PRKDC: variants seen among roughly 807,000 people sequenced by gnomAD.
The protein encoded by PRKDC is protein kinase, DNA-activated, catalytic subunit, also known as DNA-dependent protein kinase catalytic subunit.
A neutral mutation model predicts 486.9 loss-of-function variants in PRKDC; 82 were observed. The observed-to-expected ratio is 0.17, with a 90% CI of 0.14 to 0.20. PRKDC has a LOEUF of 0.20. PRKDC is among the 10% of genes least tolerant of loss of function. The pLI, the probability that PRKDC is intolerant of heterozygous loss-of-function variation, is 1.00. For synonymous variants in PRKDC, 1,895 were observed against 1,837.0 expected, an observed-to-expected ratio of 1.03 and a Z score of -0.81; for missense variants, 4,504 against 5,038.2, an observed-to-expected ratio of 0.89 and a Z score of 3.21.
intron 50 of PRKDC, among the ~76,000 whole-genome samples, chr8:47,854,449 C>T (rs1197795450): frequency 6.6e-6 from 1 of 152,142 alleles, no homozygotes; most frequent in Non-Finnish European, 1.5e-5. Flanking sequence ...CGCCATTCTC[C>T]TGCCTCAGCC....
At position 47,945,746 on chromosome 8, in the gene PRKDC, G is replaced by A. The variant is rs528415017; in HGVS notation, c.722-1717C>T. 1.4e-4 allele frequency among the ~76,000 whole-genome samples: 22 copies of A among 151,934 alleles called. No homozygotes were observed. In the East Asian group the frequency reaches 3.5e-3, roughly 24 times the overall value. The stretch of plus-strand genomic sequence containing the variant: ...AATTCTATCCTTTTTTTTTGACACC[G>A]AGTTTCACTCTATCACCCAGGCTGG... On this transcript the variant is annotated intron_variant, in intron 7 of 85. Coordinates refer to ENST00000314191, the MANE Select transcript of PRKDC (RefSeq NM_006904.7).
At chr8:47,873,040 G>C (rs555834635) in intron 40 of PRKDC, among the ~76,000 whole-genome samples, 2 of 152,144 alleles carry the variant, frequency 1.3e-5, no homozygotes, top group African/African-American at 4.8e-5. Context: ...CATATGTTAG[G>C]CCACAAAACA....
At chr8:47,950,101 A>G (rs2090603135) in intron 7 of PRKDC, among the ~76,000 whole-genome samples, 1 of 151,464 alleles carries the variant, frequency 6.6e-6, no homozygotes, top group Non-Finnish European at 1.5e-5. Flanking sequence ...GTGAAACCCC[A>G]TCTTTACTAA....
rs771356897 is a variant in PRKDC at position 47,800,853 on chromosome 8, C to T, written c.10056G>A (p.Glu3352=). The change falls in exon 71 of 86, where the codon GAG becomes GAA. Residue 3352 remains glutamate, a synonymous_variant. Transcript: ENST00000314191. ...SSEPACLAEI[E]EDKARRILEL... The stretch of plus-strand genomic sequence containing the variant: ...CTAAGATTCTTCTAGCCTTGTCCTC[C>T]TCGATTTCAGCAAGGCAGGCTGGCT... The T allele has an allele frequency of 2.1e-5, 34 of 1,613,360 alleles. No individual in the cohort carries two copies. In the South Asian group the frequency reaches 3.4e-4, roughly 16 times the overall value.
At chr8:47,825,739 A>T (rs2087724842) in intron 63 of PRKDC, among the ~76,000 whole-genome samples, 1 of 152,206 alleles carries the variant, frequency 6.6e-6, no homozygotes, top group Admixed American at 6.5e-5. Context: ...TCACTTACAC[A>T]TCTGAAGCAA....
Position 47,912,454 on chromosome 8 carries a change from G to T in PRKDC, c.2890C>A (p.Arg964=). 1 of 1,609,724 alleles carries T rather than the reference G, an allele frequency of 6.2e-7. No individual in the cohort carries two copies. Among genetic ancestry groups the T allele is most frequent in the Middle Eastern group, 1.7e-4 (1 of 6,038 alleles). ...GAPPMYQLYK[R]TFPVLLRLAC... ...AGTCGAAGCAGCACAGGAAACGTCC[G>T]CTTATAGAGCTGGTACATGGGTGGG... The change falls in exon 25 of 86, where the codon CGG becomes AGG. Residue 964 remains arginine (R), a synonymous_variant. Transcript: ENST00000314191.
intron 85 of PRKDC, 105 bp from the exon 86 acceptor site, chr8:47,774,482 CAG>C (rs1365280657): frequency 1.8e-6 from 2 of 1,082,238 alleles, no homozygotes; most frequent in African/African-American, 3.2e-5. Context: ...TCATCACTCA[CAG>C]AGTATTTTCT....
chr8:47,874,010 G>A (rs1381601583), intron 40 of PRKDC, among the ~76,000 whole-genome samples: 4 of 143,010 alleles, frequency 2.8e-5, no homozygotes, highest in East Asian at 2.0e-4. Flanking sequence ...TTTTTGAGAC[G>A]GAGTCTCGCT....
chr8:47,807,791 C>G (rs368287493), intron 68 of PRKDC, among the ~76,000 whole-genome samples: 1 of 151,960 alleles, frequency 6.6e-6, no homozygotes, highest in South Asian at 2.1e-4. Flanking sequence ...TCTCGACTTA[C>G]TGCAACCTCC....
intron 29 of PRKDC, among the ~76,000 whole-genome samples, chr8:47,897,920 C>T (rs910261412): frequency 7.2e-5 from 11 of 152,174 alleles, no homozygotes; most frequent in Non-Finnish European, 1.5e-5. Flanking sequence ...TCCCCAGATA[C>T]CCTGCAGAGA....
intron 25 of PRKDC, among the ~76,000 whole-genome samples, chr8:47,908,232 T>C (rs556807344): frequency 6.6e-6 from 1 of 152,374 alleles, no homozygotes; most frequent in Admixed American, 6.5e-5. Context: ...AATATCATTT[T>C]AATTTGAAGT....
chr8:47,881,316 G>A (rs1486457944), intron 38 of PRKDC, 100 bp downstream of exon 38: 6 of 745,930 alleles, frequency 8.0e-6, no homozygotes, highest in African/African-American at 1.8e-5. Context: ...ATTTGAACAC[G>A]TTTGAAATTT....
chr8:47,899,519 T>C (rs2089641531), intron 28 of PRKDC, among the ~76,000 whole-genome samples: 1 of 152,170 alleles, frequency 6.6e-6, no homozygotes, highest in Non-Finnish European at 1.5e-5. Flanking sequence ...GGCAGGTCCC[T>C]GTAGTCTCAG....
At chr8:47,855,412 T>C (rs781501427) in intron 49 of PRKDC, 39 bp from the exon 50 acceptor site, 5 of 1,518,198 alleles carry the variant, frequency 3.3e-6, no homozygotes, top group Non-Finnish European at 4.4e-6. Context: ...TATGCGGCAT[T>C]CCATTCTGGA....
chr8:47,831,754 C>T (rs1255182327), intron 60 of PRKDC, 60 bp downstream of exon 60: 9 of 1,554,412 alleles, frequency 5.8e-6, no homozygotes, highest in African/African-American at 1.4e-5. Context: ...CTGTTCACTT[C>T]GTCTGTATCC....
intron 83 of PRKDC, among the ~76,000 whole-genome samples, 170 bp from the exon 84 acceptor site, chr8:47,778,044 C>A (rs191510477): frequency 6.6e-6 from 1 of 152,240 alleles, no homozygotes; most frequent in Admixed American, 6.5e-5. Flanking sequence ...CGAGAGTAAC[C>A]CCCTCGGCTT....
intron 40 of PRKDC, among the ~76,000 whole-genome samples, chr8:47,869,536 G>A (rs2088898141): frequency 6.6e-6 from 1 of 151,888 alleles, no homozygotes; most frequent in Admixed American, 6.6e-5. Flanking sequence ...AGTACTTGCC[G>A]TGGGCCTTGG....
At chr8:47,865,126 G>A (rs903194137) in intron 40 of PRKDC, among the ~76,000 whole-genome samples, 3 of 152,166 alleles carry the variant, frequency 2.0e-5, no homozygotes, top group Non-Finnish European at 2.9e-5. Context: ...GGTGGCTCAC[G>A]CCTGTAATCC....
chr8:47,933,972 T>C lies in PRKDC; in HGVS notation c.1616A>G (p.Gln539Arg). ...DLFRHLLSSDQMMDSILADEA... is the reference protein window; with the variant it reads ...DLFRHLLSSDRMMDSILADEA... ...TTCAATGGTAAATGTTACCATCATC[T>C]GGTCAGAGCTCAGGAGATGTCTGAA... Residue 539 changes from glutamine to arginine, a missense_variant, in exon 15 of 86, where the codon CAG (glutamine) becomes CGG (arginine). By Grantham distance (43) the Gln-to-Arg change is conservative (BLOSUM62 1). Around this residue, in one of 6 missense-constraint regions of PRKDC, gnomAD observed 1,969 missense variants for 2,068.9 expected, o/e 0.95. Coordinates refer to ENST00000314191, the MANE Select transcript of PRKDC (RefSeq NM_006904.7). The C allele has an allele frequency of 1.2e-6, 2 of 1,611,148 alleles. No individual in the cohort carries two copies. The highest frequency in any genetic ancestry group is 1.9e-4 in the Middle Eastern group (1 of 5,218).
Sources: gnomAD v4.1 joint callset for allele counts (sites outside exome capture counted in the v4.1 genomes callset) on GRCh38, gnomAD v4.1.1 for gene constraint, gnomAD v4.1.1 regional missense constraint, MANE v1.5 for transcripts, NCBI Gene and HGNC (gene_info 2026-07-23, HGNC 2026-07-21) for gene names.